The following IRAK4 variants were observed in gnomAD, a reference collection of about 807,000 sequenced individuals.
IRAK4 encodes the protein interleukin 1 receptor associated kinase 4, also known as interleukin-1 receptor-associated kinase 4.
In IRAK4, 44 loss-of-function variants were observed where a neutral mutation model predicts 51.8. The observed-to-expected ratio is 0.85, with a 90% confidence interval of 0.67 to 1.09. The LOEUF (loss-of-function observed/expected upper bound fraction) is 1.09. Among genes scored for constraint, IRAK4 ranks in the 50% least tolerant of loss-of-function variants. The probability of loss-of-function intolerance (pLI) is 0.00; values close to 1 mark genes in which losing one functional copy is unlikely to be tolerated. For synonymous variants in IRAK4, 149 were observed against 174.1 expected, an observed-to-expected ratio of 0.86 and a Z score of 1.13; for missense variants, 487 against 538.0, an observed-to-expected ratio of 0.91 and a Z score of 0.94.
chr12:43,765,362 T>C (rs1940017929), intron 1 of IRAK4, among the ~76,000 whole-genome samples: 1 of 152,242 alleles, frequency 6.6e-6, no homozygotes, highest in African/African-American at 2.4e-5. Flanking sequence ...TTCAACATCA[T>C]CTCATCCCTT....
At chr12:43,778,158 T>C (rs766871910) in intron 7 of IRAK4, 35 bp from the exon 8 acceptor site, 1 of 1,218,982 alleles carries the variant, frequency 8.2e-7, no homozygotes, top group South Asian at 1.2e-5. Flanking sequence ...TTTATTATTC[T>C]TTCTCATTTT....
intron 7 of IRAK4, among the ~76,000 whole-genome samples, chr12:43,777,990 ATT>A (rs35729257): frequency 6.6e-6 from 1 of 152,160 alleles, no homozygotes; most frequent in Non-Finnish European, 1.5e-5. Flanking sequence ...GCTTTTATAT[ATT>A]TTTATCTTCA....
intron 6 of IRAK4, among the ~76,000 whole-genome samples, chr12:43,777,159 A>G (rs1941352606): frequency 6.6e-6 from 1 of 152,204 alleles, no homozygotes; most frequent in Non-Finnish European, 1.5e-5. Flanking sequence ...GGGAGGCCAA[A>G]GTGGTAGGAG....
chr12:43,785,782 C>A (rs1177305276), intron 10 of IRAK4, among the ~76,000 whole-genome samples: 1 of 151,744 alleles, frequency 6.6e-6, no homozygotes, highest in Non-Finnish European at 1.5e-5. Flanking sequence ...CTACGACATA[C>A]CTGGGCTATA....
At chr12:43,763,970 A>T (rs1311444376) in intron 1 of IRAK4, among the ~76,000 whole-genome samples, 1 of 152,092 alleles carries the variant, frequency 6.6e-6, no homozygotes, top group African/African-American at 2.4e-5. Flanking sequence ...ACTAAGCAGT[A>T]TTTTTTAAAA....
intron 8 of IRAK4, among the ~76,000 whole-genome samples, chr12:43,778,764 C>A (rs933220299): frequency 2.0e-5 from 3 of 151,496 alleles, no homozygotes; most frequent in African/African-American, 7.3e-5. Flanking sequence ...TTAATATGTA[C>A]AGTTCACATA....
At position 43,789,083 on chromosome 12, in the gene IRAK4, A is replaced by G. The variant is rs1942393669; in HGVS notation, c.*2368A>G. On this transcript the variant is annotated 3_prime_UTR_variant, in exon 12 of 12. Transcript: ENST00000613694. ...GGATGATTATATTTTGCAATGTGAG[A>G]AAGACATTAGATTTGGGGGGCTGGG... 1 of 152,258 alleles carries G rather than the reference A, an allele frequency of 6.6e-6. No homozygotes were observed. The allele number at this position is 152,258 out of a possible 1,614,324, so 9.4% of individuals were successfully genotyped here. A position where few individuals can be genotyped will look rare whatever the true frequency, so the allele number is the denominator to read the frequency against.
rs906478387 is a variant in IRAK4 at position 43,788,100 on chromosome 12, T to C, written c.*1385T>C. The stretch of plus-strand genomic sequence containing the variant: ...ATGGGTCACATTAAGCCTTTAAGTT[T>C]GTGGTAATTTATTATTCAGTAATAG... On this transcript the variant is annotated 3_prime_UTR_variant, in exon 12 of 12. Coordinates refer to ENST00000613694, the MANE Select transcript of IRAK4 (RefSeq NM_016123.4). The C allele has an allele frequency of 3.9e-5, 6 of 152,092 alleles. No individual in the cohort carries two copies. The highest frequency in any genetic ancestry group is 2.9e-5 in the Non-Finnish European group (2 of 68,034). 9.4% of individuals were successfully genotyped at this position (152,092 alleles called of 1,614,324 possible). A position where few individuals can be genotyped will look rare whatever the true frequency, so the allele number is the denominator to read the frequency against.
intron 5 of IRAK4, 88 bp downstream of exon 5, chr12:43,773,160 T>TACTGAAATAATG: frequency 3.4e-6 from 4 of 1,167,632 alleles, no homozygotes; most frequent in Non-Finnish European, 5.0e-6. Context: ...AGGAAATACA[T>TACTGAAATAATG]TATTTCAGTA....
intron 6 of IRAK4, among the ~76,000 whole-genome samples, chr12:43,776,406 G>A (rs1941276188): frequency 6.6e-6 from 1 of 152,138 alleles, no homozygotes; most frequent in South Asian, 2.1e-4. Flanking sequence ...CCAGTTTGGT[G>A]GAAAATGGGA....
At chr12:43,766,286 T>G (rs1466761147) in intron 1 of IRAK4, among the ~76,000 whole-genome samples, 1 of 152,182 alleles carries the variant, frequency 6.6e-6, no homozygotes, top group Admixed American at 6.5e-5. Flanking sequence ...TGCTCTTACC[T>G]TTTCCCATGC....
At chr12:43,761,458 A>T (rs530406633) in intron 1 of IRAK4, among the ~76,000 whole-genome samples, 2 of 151,998 alleles carry the variant, frequency 1.3e-5, no homozygotes, top group South Asian at 4.2e-4. Context: ...GGAAATAATA[A>T]TTGCTCCTTT....
rs114820168 is a variant in IRAK4 at position 43,783,707 on chromosome 12, C to T, written c.1171C>T (p.Arg391Cys). ...ITGLPAVDEH[R>C]EPQLLLDIKE... Reference sequence around the variant, plus strand: ...TGGACTTCCAGCTGTGGATGAACACCGTGAACCTCAGTTATTGGTAAATGA... The same window carrying T: ...TGGACTTCCAGCTGTGGATGAACACTGTGAACCTCAGTTATTGGTAAATGA... The change falls in exon 10 of 12, where the codon CGT becomes TGT. Residue 391 changes from arginine (R) to cysteine (C), a missense_variant. Coordinates refer to ENST00000613694, the MANE Select transcript of IRAK4 (RefSeq NM_016123.4). The T allele has an allele frequency of 1.6e-4, 252 of 1,606,254 alleles. 1 individual carries two copies. In the East Asian group the frequency reaches 2.4e-3, roughly 15 times the overall value.
chr12:43,765,679 T>C (rs1940062313), intron 1 of IRAK4, among the ~76,000 whole-genome samples: 1 of 152,102 alleles, frequency 6.6e-6, no homozygotes, highest in South Asian at 2.1e-4. Context: ...CGATATGCAT[T>C]TTCCATGAAC....
intron 2 of IRAK4, among the ~76,000 whole-genome samples, chr12:43,769,619 T>G (rs1162703891): frequency 2.0e-5 from 3 of 152,104 alleles, no homozygotes; most frequent in African/African-American, 7.2e-5. Context: ...GCCACTGCAC[T>G]CCAGCCTGAG....
rs1486251167 is a variant in IRAK4 at position 43,759,004 on chromosome 12, C to T, written c.-22C>T. 6.6e-6 allele frequency: 1 copy of T among 152,256 alleles called. No homozygotes were observed. The highest frequency in any genetic ancestry group is 2.4e-5 in the African/African-American group (1 of 41,462). The allele number at this position is 152,256 out of a possible 1,614,324, so 9.4% of individuals were successfully genotyped here. A position where few individuals can be genotyped will look rare whatever the true frequency, so the allele number is the denominator to read the frequency against. The stretch of plus-strand genomic sequence containing the variant: ...TCTTCTGTCGCCGGCTTCAGCAGCC[C>T]GCGCCCGGGCAGGTAAGGCATTCCC... On this transcript the variant is annotated 5_prime_UTR_variant, in exon 1 of 12. Coordinates refer to ENST00000613694, the MANE Select transcript of IRAK4 (RefSeq NM_016123.4).
chr12:43,765,840 C>CAA (rs35140478), intron 1 of IRAK4, among the ~76,000 whole-genome samples: 28 of 116,030 alleles, frequency 2.4e-4, no homozygotes, highest in Admixed American at 3.5e-4. Context: ...TAACATGAGC[C>CAA]AAAAAAAAAA....
chr12:43,761,218 T>TAATATATATA (rs1451003741), intron 1 of IRAK4, among the ~76,000 whole-genome samples: 4 of 152,208 alleles, frequency 2.6e-5, no homozygotes, highest in Non-Finnish European at 5.9e-5. Flanking sequence ...TACAGCATAT[T>TAATATATATA]TTGCTAAGAA....
rs565544986 is a variant in IRAK4 at position 43,768,223 on chromosome 12, G to C, written c.112G>C (p.Ala38Pro). 1 of 1,613,082 alleles carries C rather than the reference G, an allele frequency of 6.2e-7. No homozygotes were observed. Among genetic ancestry groups the C allele is most frequent in the East Asian group, 2.2e-5 (1 of 44,826 alleles). ...PQEGWKKLAV[A>P]IKKPSGDDRY... ...AGAAGGATGGAAGAAGTTAGCTGTA[G>C]CTATTAAAAAACCATCTGGTGATGA... The change falls in exon 2 of 12, where the codon GCT becomes CCT. Residue 38 changes from alanine (A) to proline (P), a missense_variant. Transcript: ENST00000613694.
Sources: gnomAD v4.1 joint callset for allele counts (sites outside exome capture counted in the v4.1 genomes callset) on GRCh38, gnomAD v4.1.1 for gene constraint, MANE v1.5 for transcripts, NCBI Gene and HGNC (gene_info 2026-07-23, HGNC 2026-07-21) for gene names.